Variants in STK10 observed in about 807,000 individuals in gnomAD.
The protein encoded by STK10 is serine/threonine kinase 10, also known as serine/threonine-protein kinase 10.
Under a neutral mutation model 113.8 loss-of-function variants are expected in STK10, and 78 were observed. The observed-to-expected ratio is 0.69, with a 90% confidence interval of 0.57 to 0.83. The LOEUF (loss-of-function observed/expected upper bound fraction) is 0.83, where lower values mean the gene tolerates loss of function less well. STK10 is among the 40% of genes least tolerant of loss of function. The probability of loss-of-function intolerance (pLI) is 0.00; values close to 1 mark genes in which losing one functional copy is unlikely to be tolerated. For missense variants in STK10, 1,109 were observed against 1,280.1 expected (o/e 0.87, Z 2.04); for synonymous variants, 465 against 494.7 (o/e 0.94, Z 0.80).
chr5:172,143,193 C>A (rs1314226523), intron 2 of STK10, among the ~76,000 whole-genome samples: 1 of 152,150 alleles, frequency 6.6e-6, no homozygotes, highest in African/African-American at 2.4e-5. Context: ...AGGCCAAACC[C>A]TGTCTCTAGT....
chr5:172,048,024 C>A (rs1767532600), intron 18 of STK10, among the ~76,000 whole-genome samples: 1 of 151,716 alleles, frequency 6.6e-6, no homozygotes, highest in Admixed American at 6.6e-5. Context: ...TGCCTCAGCC[C>A]CCCATGTAGC....
chr5:172,111,700 A>G (rs966322195), intron 4 of STK10, among the ~76,000 whole-genome samples: 1 of 152,212 alleles, frequency 6.6e-6, no homozygotes, highest in East Asian at 1.9e-4. Flanking sequence ...GGCGGCGGAG[A>G]TAAGGGAAAT....
chr5:172,113,008 A>G (rs1232118585), intron 4 of STK10, among the ~76,000 whole-genome samples: 1 of 152,186 alleles, frequency 6.6e-6, no homozygotes, highest in Non-Finnish European at 1.5e-5. Flanking sequence ...TCGGCCTCCC[A>G]AAGTGCTAGG....
At chr5:172,131,272 G>T (rs543292417) in intron 2 of STK10, among the ~76,000 whole-genome samples, 1 of 151,978 alleles carries the variant, frequency 6.6e-6, no homozygotes, top group East Asian at 1.9e-4. Context: ...CTGACCTCGC[G>T]ATCTGCCTGC....
At chr5:172,064,144 G>C (rs959007076) in intron 13 of STK10, among the ~76,000 whole-genome samples, 1 of 152,118 alleles carries the variant, frequency 6.6e-6, no homozygotes, top group East Asian at 1.9e-4. Context: ...AGGAAGCCTC[G>C]CTGGGAGGCC....
chr5:172,091,783 T>C (rs60171322), intron 9 of STK10, among the ~76,000 whole-genome samples: 35,587 of 152,068 alleles, frequency 0.23, 6,316 homozygotes, highest in African/African-American at 0.5. Flanking sequence ...CCACCCGCCT[T>C]GGCCTCCCAA....
At chr5:172,109,417 G>T (rs1276978379) in intron 4 of STK10, among the ~76,000 whole-genome samples, 1 of 151,514 alleles carries the variant, frequency 6.6e-6, no homozygotes, top group South Asian at 2.1e-4. Flanking sequence ...CAACCTCCCA[G>T]GCTCAAGCAA....
chr5:172,176,057 T>G (rs1042324062), intron 1 of STK10, among the ~76,000 whole-genome samples: 2 of 152,216 alleles, frequency 1.3e-5, no homozygotes. Flanking sequence ...GAGCTAACAC[T>G]TACATGACTT....
chr5:172,179,377 G>A (rs1770811186), intron 1 of STK10, among the ~76,000 whole-genome samples: 1 of 152,152 alleles, frequency 6.6e-6, no homozygotes, highest in Non-Finnish European at 1.5e-5. Context: ...AGCAGCAGGG[G>A]GCCTGAGAGT....
intron 1 of STK10, among the ~76,000 whole-genome samples, chr5:172,177,043 G>C (rs191047324): frequency 2.0e-5 from 3 of 152,252 alleles, no homozygotes; most frequent in Admixed American, 6.5e-5. Flanking sequence ...ATGTGGTGGT[G>C]CACGCCTGTG....
At chr5:172,130,788 A>T (rs1039178730) in intron 2 of STK10, among the ~76,000 whole-genome samples, 2 of 152,158 alleles carry the variant, frequency 1.3e-5, no homozygotes, top group East Asian at 3.9e-4. Context: ...GAGATTCCTT[A>T]CATGAAAGAA....
At chr5:172,119,305 T>G (rs1769452782) in intron 3 of STK10, among the ~76,000 whole-genome samples, 1 of 152,178 alleles carries the variant, frequency 6.6e-6, no homozygotes, top group African/African-American at 2.4e-5. Context: ...TCAGCAGGCC[T>G]TGGCTCTGCA....
chr5:172,081,632 C>G (rs1277006837), intron 12 of STK10, among the ~76,000 whole-genome samples: 1 of 152,136 alleles, frequency 6.6e-6, no homozygotes, highest in Non-Finnish European at 1.5e-5. Context: ...CCCCGAATGT[C>G]ATGCCCACCA....
At chr5:172,185,563 G>C (rs922200494) in intron 1 of STK10, among the ~76,000 whole-genome samples, 1 of 152,126 alleles carries the variant, frequency 6.6e-6, no homozygotes, top group African/African-American at 2.4e-5. Flanking sequence ...CACCACGCCC[G>C]GCCCAAAAAA....
rs1767938614 is a variant in STK10 at position 172,061,558 on chromosome 5, T to G, written c.2083-290A>C. The G allele has an allele frequency of 2.6e-5, 6 of 228,926 alleles. No individual in the cohort carries two copies. In the South Asian group the frequency reaches 3.7e-4, roughly 14 times the overall value. 14.2% of individuals were successfully genotyped at this position (228,926 alleles called of 1,614,324 possible). The stretch of plus-strand genomic sequence containing the variant: ...CCTCTGCCTCCCGCGTTCAAGTGAT[T>G]CTCCTGCCTCAGCCTCCTGAGTAGC... On this transcript the variant is annotated intron_variant, in intron 13 of 18. Coordinates refer to ENST00000176763, the MANE Select transcript of STK10 (RefSeq NM_005990.4).
chr5:172,086,005 T>C (rs1214078751), intron 10 of STK10, among the ~76,000 whole-genome samples: 2 of 151,964 alleles, frequency 1.3e-5, no homozygotes, highest in Non-Finnish European at 2.9e-5. Context: ...TTCTCTGGGG[T>C]CGCAGCGCCC....
At chr5:172,047,274 C>T (rs780538481) in intron 18 of STK10, among the ~76,000 whole-genome samples, 86 of 152,224 alleles carry the variant, frequency 5.6e-4, no homozygotes, top group Admixed American at 4.6e-4. Context: ...GCTGGCTTCC[C>T]AACTGCACAC....
intron 7 of STK10, among the ~76,000 whole-genome samples, chr5:172,102,598 G>A (rs1282629314): frequency 2.0e-5 from 3 of 152,096 alleles, no homozygotes; most frequent in Non-Finnish European, 4.4e-5. Flanking sequence ...TATGACCAAG[G>A]GTGTGTGGAG....
At chr5:172,061,908 G>A (rs1187126452) in intron 13 of STK10, among the ~76,000 whole-genome samples, 1 of 152,052 alleles carries the variant, frequency 6.6e-6, no homozygotes, top group Non-Finnish European at 1.5e-5. Context: ...GTGGACATGA[G>A]GTGATATTAC....
Sources: gnomAD v4.1 joint callset for allele counts (sites outside exome capture counted in the v4.1 genomes callset) on GRCh38, gnomAD v4.1.1 for gene constraint, MANE v1.5 for transcripts, NCBI Gene and HGNC (gene_info 2026-07-23, HGNC 2026-07-21) for gene names.